Variants in RORA observed in about 807,000 individuals in gnomAD.
The protein encoded by RORA is RAR related orphan receptor A.
Under a neutral mutation model 69.5 loss-of-function variants are expected in RORA, and 7 were observed. That is an observed-to-expected ratio of 0.10 (90% CI 0.06 to 0.19). The LOEUF (loss-of-function observed/expected upper bound fraction) is 0.19, where lower values mean the gene tolerates loss of function less well. Among genes scored for constraint, RORA ranks in the 10% least tolerant of loss-of-function variants. RORA has a pLI of 1.00. For missense variants in RORA, 457 were observed against 663.0 expected (o/e 0.69, Z 3.41); for synonymous variants, 261 against 240.8 (o/e 1.08, Z -0.78).
intron 1 of RORA, among the ~76,000 whole-genome samples, chr15:60,763,606 G>A (rs1348703531): frequency 1.3e-5 from 2 of 152,052 alleles, no homozygotes; most frequent in African/African-American, 4.8e-5. Context: ...TCCCCATGTG[G>A]GACACACTTT....
At chr15:60,919,574 C>T (rs1242800764) in intron 1 of RORA, among the ~76,000 whole-genome samples, 1 of 152,152 alleles carries the variant, frequency 6.6e-6, no homozygotes, top group East Asian at 1.9e-4. Context: ...TATTTTTTAC[C>T]TGATTACGGC....
At chr15:61,053,023 C>T (rs959625850) in intron 1 of RORA, among the ~76,000 whole-genome samples, 3 of 152,194 alleles carry the variant, frequency 2.0e-5, no homozygotes, top group African/African-American at 7.2e-5. Context: ...TATTCATGAT[C>T]CTTAATCTAT....
At chr15:60,585,879 A>G (rs1274300938) in intron 2 of RORA, among the ~76,000 whole-genome samples, 2 of 152,192 alleles carry the variant, frequency 1.3e-5, no homozygotes, top group Non-Finnish European at 2.9e-5. Flanking sequence ...TCTCATTCCA[A>G]TTAAGAAAAT....
intron 1 of RORA, among the ~76,000 whole-genome samples, chr15:60,735,978 C>T (rs992971550): frequency 6.6e-6 from 1 of 152,200 alleles, no homozygotes; most frequent in African/African-American, 2.4e-5. Flanking sequence ...TACCCATGCC[C>T]TTCACAACAC....
chr15:60,987,669 T>G (rs7180321), intron 1 of RORA, among the ~76,000 whole-genome samples: 33,595 of 152,090 alleles, frequency 0.22, 3,929 homozygotes, highest in African/African-American at 0.28. Flanking sequence ...TTGAGGGCAG[T>G]GAAGGCACCT....
chr15:60,564,003 G>A (rs1490401375), intron 2 of RORA, among the ~76,000 whole-genome samples: 1 of 152,026 alleles, frequency 6.6e-6, no homozygotes, highest in East Asian at 1.9e-4. Context: ...TGCTTGACTT[G>A]AGCACACTTC....
chr15:61,178,922 T>C (rs1248031319), intron 1 of RORA, among the ~76,000 whole-genome samples: 1 of 152,224 alleles, frequency 6.6e-6, no homozygotes, highest in Non-Finnish European at 1.5e-5. Flanking sequence ...ATCTAACCCA[T>C]TATTTAATGT....
At chr15:60,880,220 C>G (rs534558115) in intron 1 of RORA, among the ~76,000 whole-genome samples, 1 of 152,328 alleles carries the variant, frequency 6.6e-6, no homozygotes, top group Non-Finnish European at 1.5e-5. Context: ...TATTTCTATT[C>G]CCTCACCCAC....
intron 1 of RORA, among the ~76,000 whole-genome samples, chr15:60,803,419 C>G (rs542566811): frequency 5.1e-4 from 77 of 152,304 alleles, no homozygotes; most frequent in African/African-American, 1.8e-3. Flanking sequence ...ATGTTTGTGG[C>G]CCAAGGATGC....
At chr15:60,880,348 C>T (rs920214012) in intron 1 of RORA, among the ~76,000 whole-genome samples, 1 of 152,154 alleles carries the variant, frequency 6.6e-6, no homozygotes, top group Admixed American at 6.5e-5. Flanking sequence ...AGGTCAAAAA[C>T]CTTTGAATTT....
chr15:60,768,135 C>A (rs2072018227), intron 1 of RORA, among the ~76,000 whole-genome samples: 1 of 152,232 alleles, frequency 6.6e-6, no homozygotes, highest in Non-Finnish European at 1.5e-5. Context: ...TCTCATCCCC[C>A]ATCATGACAC....
intron 2 of RORA, chr15:60,614,896 T>C (rs1171884943): frequency 1.2e-6 from 2 of 1,611,746 alleles, no homozygotes; most frequent in South Asian, 2.2e-5. Context: ...TAACGCACCT[T>C]TTCTCAATGC....
intron 2 of RORA, among the ~76,000 whole-genome samples, chr15:60,591,511 C>T (rs2068509829): frequency 6.6e-6 from 1 of 152,212 alleles, no homozygotes; most frequent in Non-Finnish European, 1.5e-5. Context: ...CCAAATCCCC[C>T]TCCCCTCCCG....
intron 2 of RORA, among the ~76,000 whole-genome samples, chr15:60,653,357 G>C (rs2070174125): frequency 6.6e-6 from 1 of 151,720 alleles, no homozygotes; most frequent in African/African-American, 2.4e-5. Flanking sequence ...AGGTCATGAA[G>C]CAAATCAGAA....
chr15:60,648,765 C>T lies in RORA; in HGVS notation c.196+29892G>A, dbSNP rs1370235931. On this transcript the variant is annotated intron_variant, in intron 2 of 10. Transcript: ENST00000335670. Reference sequence around the variant, plus strand: ...CTTTGATGATGGAAACGAAAGACACCCTGGAAACATCCTCTTAATTCTAAG... The same window carrying T: ...CTTTGATGATGGAAACGAAAGACACTCTGGAAACATCCTCTTAATTCTAAG... Among the ~76,000 whole-genome samples the T allele has an allele frequency of 2.0e-5, 3 of 152,056 alleles. No homozygotes were observed. The East Asian group carries it at 5.8e-4, about 29-fold the overall frequency.
At chr15:60,992,315 T>C (rs1894405373) in intron 1 of RORA, among the ~76,000 whole-genome samples, 1 of 152,202 alleles carries the variant, frequency 6.6e-6, no homozygotes, top group African/African-American at 2.4e-5. Flanking sequence ...GGAGCTATGA[T>C]GAAGTTAACC....
At chr15:61,012,224 T>C (rs75316148) in intron 1 of RORA, among the ~76,000 whole-genome samples, 3,883 of 152,340 alleles carry the variant, frequency 0.025, 80 homozygotes, top group Middle Eastern at 0.048. Context: ...AATTCAAGCA[T>C]AGCATGTAAA....
In RORA at chr15:60,897,752, A is replaced by C. The variant is rs1280383923; in HGVS notation, c.167-219066T>G. On this transcript the variant is annotated intron_variant, in intron 1 of 10. Transcript: ENST00000335670. ...GATGAAACTTAAATGAAAGAGGATG[A>C]ACCTGGAACATGTGCAGTGTGAAAA... Among the ~76,000 whole-genome samples the C allele has an allele frequency of 3.3e-5, 5 of 152,370 alleles. No individual in the cohort carries two copies. In the South Asian group the frequency reaches 1.0e-3, roughly 32 times the overall value.
At chr15:61,121,921 G>A (rs1158041787) in intron 1 of RORA, among the ~76,000 whole-genome samples, 1 of 151,530 alleles carries the variant, frequency 6.6e-6, no homozygotes, top group Non-Finnish European at 1.5e-5. Flanking sequence ...GAAAATTACT[G>A]CAGCATTAAA....
Sources: gnomAD v4.1 joint callset for allele counts (sites outside exome capture counted in the v4.1 genomes callset) on GRCh38, gnomAD v4.1.1 for gene constraint, MANE v1.5 for transcripts, NCBI Gene and HGNC (gene_info 2026-07-23, HGNC 2026-07-21) for gene names.